Variants in KLF12 observed in about 807,000 individuals in gnomAD.
KLF12 encodes KLF transcription factor 12.
Under a neutral mutation model 37.8 loss-of-function variants are expected in KLF12, and 9 were observed. The observed-to-expected ratio is 0.24, with a 90% CI of 0.14 to 0.42. The LOEUF is 0.42. KLF12 is among the 10% of genes least tolerant of loss of function. The pLI, the probability that KLF12 is intolerant of heterozygous loss-of-function variation, is 1.00. For synonymous variants in KLF12, 208 were observed against 202.1 expected (o/e 1.03, Z -0.25); for missense variants, 411 against 516.0 (o/e 0.80, Z 1.97).
the KLF12 span, among the ~76,000 whole-genome samples, chr13:74,273,094 C>T: frequency 6.6e-6 from 1 of 152,232 alleles, no homozygotes; most frequent in South Asian, 2.1e-4. Context: ...TCAAATAGTG[C>T]TTATTTTAGT....
chr13:73,994,476 C>T (rs1212419259), intron 2 of KLF12, among the ~76,000 whole-genome samples: 2 of 149,660 alleles, frequency 1.3e-5, no homozygotes, highest in East Asian at 4.0e-4. Context: ...CCCCCCCCAC[C>T]ACCACACTTT....
At chr13:74,090,993 A>T (rs1875625734) in intron 1 of KLF12, among the ~76,000 whole-genome samples, 1 of 152,016 alleles carries the variant, frequency 6.6e-6, no homozygotes, top group South Asian at 2.1e-4. Flanking sequence ...ACTACAAAGC[A>T]TCAAGAAACA....
chr13:73,844,097 TATTA>T (rs767373747), intron 4 of KLF12, among the ~76,000 whole-genome samples: 20 of 152,174 alleles, frequency 1.3e-4, no homozygotes, highest in East Asian at 5.8e-4. Flanking sequence ...TTAATATCTT[TATTA>T]ATTAACTTTA....
At chr13:74,057,610 C>T (rs1488713588) in intron 1 of KLF12, among the ~76,000 whole-genome samples, 2 of 152,192 alleles carry the variant, frequency 1.3e-5, no homozygotes, top group Admixed American at 1.3e-4. Context: ...CTTTTCTTAT[C>T]CCCAGTCATT....
chr13:74,073,956 C>G (rs577642877), intron 1 of KLF12, among the ~76,000 whole-genome samples: 2 of 152,084 alleles, frequency 1.3e-5, no homozygotes, highest in Non-Finnish European at 2.9e-5. Flanking sequence ...ATCTTTCTTG[C>G]CCCATTTTAT....
chr13:74,234,070 A>T, the KLF12 span, among the ~76,000 whole-genome samples: 1 of 152,228 alleles, frequency 6.6e-6, no homozygotes, highest in Non-Finnish European at 1.5e-5. Flanking sequence ...CAAGATGTTG[A>T]TAATAGGAGG....
At chr13:73,925,946 C>G (rs1593736458) in intron 3 of KLF12, among the ~76,000 whole-genome samples, 1 of 152,158 alleles carries the variant, frequency 6.6e-6, no homozygotes, top group East Asian at 1.9e-4. Flanking sequence ...GATGGAATTG[C>G]TTCAATCTCA....
chr13:74,300,258 C>T, the KLF12 span, among the ~76,000 whole-genome samples: 1 of 152,128 alleles, frequency 6.6e-6, no homozygotes, highest in African/African-American at 2.4e-5. Context: ...ATCAAATAGT[C>T]TATTGGCTTC....
chr13:73,695,688 A>G lies in KLF12; in HGVS notation c.1028-17T>C. The G allele has an allele frequency of 2.5e-6, 4 of 1,612,332 alleles. No individual in the cohort carries two copies. The highest frequency in any genetic ancestry group is 1.7e-6 in the Non-Finnish European group (2 of 1,178,706). ...GTTTCTCTCCTGGAAGAAACAAAGGAACACAAGCTTTGGTGCTCCATCCAT... is the reference window on the plus strand; with the variant it reads ...GTTTCTCTCCTGGAAGAAACAAAGGGACACAAGCTTTGGTGCTCCATCCAT... On this transcript the variant is annotated splice_polypyrimidine_tract_variant and intron_variant, in intron 7 of 7. Transcript: ENST00000377669.
chr13:73,930,278 C>T (rs7330642), intron 3 of KLF12, among the ~76,000 whole-genome samples: 65,816 of 151,936 alleles, frequency 0.43, 15,747 homozygotes, highest in East Asian at 0.58. Flanking sequence ...TTTTAAAAAA[C>T]GCAAATATCT....
chr13:74,126,517 T>C (rs939297980), intron 1 of KLF12, among the ~76,000 whole-genome samples: 2 of 152,208 alleles, frequency 1.3e-5, no homozygotes, highest in Admixed American at 1.3e-4. Flanking sequence ...CAATAAAGAT[T>C]CATCACTTTC....
chr13:73,843,389 C>CCA (rs1194530265), intron 4 of KLF12, among the ~76,000 whole-genome samples: 2 of 152,010 alleles, frequency 1.3e-5, no homozygotes, highest in Non-Finnish European at 2.9e-5. Context: ...ACTGCAACCT[C>CCA]CACCTCCCGG....
At chr13:74,099,526 C>CCTGA (rs1255007530) in intron 1 of KLF12, among the ~76,000 whole-genome samples, 2 of 152,206 alleles carry the variant, frequency 1.3e-5, no homozygotes, top group Non-Finnish European at 2.9e-5. Context: ...TTCTGCAACT[C>CCTGA]TCAGGGCCAT....
intron 2 of KLF12, among the ~76,000 whole-genome samples, chr13:73,960,816 AATG>A (rs1566483433): frequency 2.0e-5 from 3 of 152,196 alleles, no homozygotes; most frequent in Non-Finnish European, 4.4e-5. Flanking sequence ...CTCATCTGAG[AATG>A]ATATGTTTTT....
the KLF12 span, among the ~76,000 whole-genome samples, chr13:74,272,793 G>C: frequency 2.4e-4 from 36 of 152,280 alleles, no homozygotes; most frequent in African/African-American, 8.2e-4. Flanking sequence ...TCAGGTTGGA[G>C]TTTAGGAAAC....
In KLF12 at chr13:73,749,825, T is replaced by C. The variant is rs139851929; in HGVS notation, c.869+15113A>G. 2.6e-3 allele frequency among the ~76,000 whole-genome samples: 391 copies of C among 152,290 alleles called. 1 individual carries two copies. Among genetic ancestry groups the C allele is most frequent in the African/African-American group, 9.0e-3 (375 of 41,558 alleles). ...TTTCTTTCTAAAGCATGAATAAAAG[T>C]GGTTATATTTAAAAGAAAAGTGAAC... On this transcript the variant is annotated intron_variant, in intron 6 of 7. Transcript: ENST00000377669.
At chr13:73,942,524 T>C (rs990506089) in intron 3 of KLF12, among the ~76,000 whole-genome samples, 4 of 152,086 alleles carry the variant, frequency 2.6e-5, no homozygotes, top group East Asian at 3.8e-4. Context: ...TCAATAAAGG[T>C]TGAAACTATC....
Position 74,109,893 on chromosome 13 carries a change from T to C in KLF12, c.-32+23846A>G, listed in dbSNP as rs572440659. 2.0e-5 allele frequency among the ~76,000 whole-genome samples: 3 copies of C among 152,260 alleles called. No individual in the cohort carries two copies. The South Asian group carries it at 6.2e-4, about 32-fold the overall frequency. ...AAGCTTTTAATAAACTGGCAGTATA[T>C]ATCACATTTCTAGAGAAACAAAATA... On this transcript the variant is annotated intron_variant, in intron 1 of 7. Coordinates refer to ENST00000377669, the MANE Select transcript of KLF12 (RefSeq NM_007249.5).
intron 6 of KLF12, among the ~76,000 whole-genome samples, chr13:73,730,941 C>T (rs371706629): frequency 1.4e-3 from 209 of 152,048 alleles, no homozygotes; most frequent in Middle Eastern, 0.01. Context: ...TGTTCTGTTT[C>T]GTTTTTTTAG....
Sources: gnomAD v4.1 joint callset for allele counts (sites outside exome capture counted in the v4.1 genomes callset) on GRCh38, gnomAD v4.1.1 for gene constraint, MANE v1.5 for transcripts, NCBI Gene and HGNC (gene_info 2026-07-23, HGNC 2026-07-21) for gene names.